PTPN9: variants seen among roughly 807,000 people sequenced by gnomAD.
The protein encoded by PTPN9 is protein tyrosine phosphatase non-receptor type 9.
In PTPN9, 26 loss-of-function variants were observed where a neutral mutation model predicts 69.8. The ratio of observed to expected loss-of-function variants is 0.37; its 90% CI spans 0.27 to 0.52. PTPN9 has a LOEUF of 0.52. Ranked by LOEUF, PTPN9 falls within the 20% of genes least tolerant of loss-of-function variation. The pLI is 0.91. For synonymous variants in PTPN9, 274 were observed against 272.5 expected, an observed-to-expected ratio of 1.01 and a Z score of -0.05; for missense variants, 549 against 740.3, an observed-to-expected ratio of 0.74 and a Z score of 3.00.
At chr15:75,577,184 C>A (rs1291229632) in intron 1 of PTPN9, among the ~76,000 whole-genome samples, 3 of 152,174 alleles carry the variant, frequency 2.0e-5, no homozygotes. Flanking sequence ...ACTATCAATA[C>A]TTTAATATTT....
At chr15:75,501,371 T>C (rs1322115332) in intron 7 of PTPN9, among the ~76,000 whole-genome samples, 1 of 151,896 alleles carries the variant, frequency 6.6e-6, no homozygotes, top group Non-Finnish European at 1.5e-5. Context: ...ACAGAGGGAA[T>C]TTTTGGTTAA....
chr15:75,558,031 C>T (rs760460042), intron 1 of PTPN9, among the ~76,000 whole-genome samples: 4 of 152,024 alleles, frequency 2.6e-5, no homozygotes, highest in Non-Finnish European at 5.9e-5. Flanking sequence ...CTCATCTGTA[C>T]TAAAAATACA....
At chr15:75,566,470 TC>T (rs1398026919) in intron 1 of PTPN9, among the ~76,000 whole-genome samples, 1 of 151,982 alleles carries the variant, frequency 6.6e-6, no homozygotes, top group African/African-American at 2.4e-5. Flanking sequence ...TGACCTGAGG[TC>T]AGGAGTTTGA....
chr15:75,515,538 A>C (rs1345480646), intron 5 of PTPN9, among the ~76,000 whole-genome samples: 1 of 151,976 alleles, frequency 6.6e-6, no homozygotes, highest in African/African-American at 2.4e-5. Flanking sequence ...GAGGCCAAGG[A>C]GGCGGTACTG....
At chr15:75,562,553 C>A (rs890701283) in intron 1 of PTPN9, among the ~76,000 whole-genome samples, 2 of 152,026 alleles carry the variant, frequency 1.3e-5, no homozygotes, top group Admixed American at 6.6e-5. Flanking sequence ...CATCCTAGGC[C>A]GGGCGCGGTG....
intron 4 of PTPN9, among the ~76,000 whole-genome samples, chr15:75,520,575 T>C (rs2074898907): frequency 6.6e-6 from 1 of 151,730 alleles, no homozygotes; most frequent in African/African-American, 2.4e-5. Context: ...TGAAGTGCAA[T>C]AGTGCGATCT....
At chr15:75,508,101 A>C (rs540112590) in intron 6 of PTPN9, among the ~76,000 whole-genome samples, 14 of 151,962 alleles carry the variant, frequency 9.2e-5, no homozygotes, top group African/African-American at 3.4e-4. Flanking sequence ...TTAGGTCTCT[A>C]AGCAGCTTCC....
chr15:75,572,716 GA>G (rs1047790832), intron 1 of PTPN9, among the ~76,000 whole-genome samples: 2 of 151,434 alleles, frequency 1.3e-5, no homozygotes, highest in Non-Finnish European at 2.9e-5. Context: ...CAAAAAAAAA[GA>G]AAAAAAGAAA....
chr15:75,486,780 T>TG (rs2074679934), intron 8 of PTPN9, among the ~76,000 whole-genome samples: 1 of 141,374 alleles, frequency 7.1e-6, no homozygotes, highest in Non-Finnish European at 1.5e-5. Flanking sequence ...GCATATGTGG[T>TG]GTTTTTTTTT....
chr15:75,519,754 G>A (rs1037391904), intron 4 of PTPN9, among the ~76,000 whole-genome samples: 9 of 151,502 alleles, frequency 5.9e-5, no homozygotes, highest in Non-Finnish European at 1.2e-4. Flanking sequence ...TTACAGGTGT[G>A]AGTCACTGCG....
rs1383584782 is a variant in PTPN9, at chr15:75,463,597, A to G, written c.*5172T>C. On this transcript the variant is annotated 3_prime_UTR_variant, in exon 13 of 13. Transcript: ENST00000618819. ...GCAGGCCACATTTAGCTCAAACAGG[A>G]GGATTTTATGACAGCCAAGGTAAAG... is the stretch of plus-strand genomic sequence containing the variant. The G allele has an allele frequency of 6.6e-6, 1 of 152,208 alleles. No individual in the cohort carries two copies. Among genetic ancestry groups the G allele is most frequent in the African/African-American group, 2.4e-5 (1 of 41,446 alleles). 9.4% of individuals were successfully genotyped at this position (152,208 alleles called of 1,614,324 possible).
intron 1 of PTPN9, among the ~76,000 whole-genome samples, chr15:75,540,010 C>A (rs770156935): frequency 1.3e-5 from 2 of 152,068 alleles, no homozygotes; most frequent in Non-Finnish European, 2.9e-5. Flanking sequence ...TTATATGTCA[C>A]GTTTTATTTA....
chr15:75,475,186 C>T (rs2074589057), intron 9 of PTPN9, among the ~76,000 whole-genome samples: 2 of 152,324 alleles, frequency 1.3e-5, no homozygotes, highest in East Asian at 1.9e-4. Flanking sequence ...TGAGCCACTG[C>T]ACCTGGCCAA....
chr15:75,468,510 C>T lies in PTPN9; in HGVS notation c.*259G>A, dbSNP rs1380290286. On this transcript the variant is annotated 3_prime_UTR_variant, in exon 13 of 13. Coordinates refer to ENST00000618819, the MANE Select transcript of PTPN9 (RefSeq NM_002833.4). ...GGACCCTAGCAAAAATCAATAGCCA[C>T]AATTTGGTTTTAATAAGGCACAGTT... 2 of 354,514 alleles carry T rather than the reference C, an allele frequency of 5.6e-6. No homozygotes were observed. Among genetic ancestry groups the T allele is most frequent in the East Asian group, 4.4e-5 (1 of 22,952 alleles). 22.0% of individuals were successfully genotyped at this position (354,514 alleles called of 1,614,324 possible). A position where few individuals can be genotyped will look rare whatever the true frequency, so the allele number is the denominator to read the frequency against.
Position 75,505,669 on chromosome 15 carries a change from A to G in PTPN9, c.968+6T>C, listed in dbSNP as rs2074815482. On this transcript the variant is annotated splice_donor_region_variant and intron_variant, in intron 7 of 12. Coordinates refer to ENST00000618819, the MANE Select transcript of PTPN9 (RefSeq NM_002833.4). ...CCAGCTGCTGGCCCAAACTTTTTCT[A>G]CTTACATGGAACAGTGGAAAGTGCC... 1.2e-6 allele frequency: 2 copies of G among 1,605,822 alleles called. No individual in the cohort carries two copies. Among genetic ancestry groups the G allele is most frequent in the African/African-American group, 1.3e-5 (1 of 74,710 alleles).
intron 7 of PTPN9, among the ~76,000 whole-genome samples, chr15:75,503,890 G>T (rs1198670081): frequency 8.6e-6 from 1 of 116,512 alleles, no homozygotes; most frequent in African/African-American, 3.4e-5. Context: ...CAGCCGCCCC[G>T]TCCGGGAGGG....
chr15:75,506,539 T>C (rs2074820517), intron 6 of PTPN9, among the ~76,000 whole-genome samples: 1 of 152,056 alleles, frequency 6.6e-6, no homozygotes, highest in African/African-American at 2.4e-5. Context: ...AGACAGGGTC[T>C]CACTTTTTCA....
At chr15:75,525,429 A>G (rs2074923101) in intron 2 of PTPN9, among the ~76,000 whole-genome samples, 1 of 150,930 alleles carries the variant, frequency 6.6e-6, no homozygotes, top group Non-Finnish European at 1.5e-5. Context: ...CCTGGGCTGA[A>G]GCGATCCACC....
At chr15:75,503,796 G>A (rs1394014906) in intron 7 of PTPN9, among the ~76,000 whole-genome samples, 1 of 123,502 alleles carries the variant, frequency 8.1e-6, no homozygotes, top group African/African-American at 3.1e-5. Context: ...CCCCGTCCGG[G>A]AGGGAGGTGG....
Sources: allele counts gnomAD v4.1 joint callset (sites outside exome capture counted in the v4.1 genomes callset), GRCh38; gene constraint gnomAD v4.1.1; transcripts MANE v1.5; gene names NCBI Gene and HGNC (gene_info 2026-07-23, HGNC 2026-07-21).